The following STK33 variants were observed in gnomAD, a reference collection of about 807,000 sequenced individuals.
The protein encoded by STK33 is serine/threonine kinase 33.
STK33 carries 52 observed loss-of-function variants against 58.0 expected under a neutral mutation model. The observed-to-expected ratio is 0.90, with a 90% CI of 0.72 to 1.13. The LOEUF is 1.13. STK33 is among the 50% of genes most tolerant of loss of function. The pLI is 0.00. For synonymous variants in STK33, 215 were observed against 200.1 expected (o/e 1.07, Z -0.63); for missense variants, 630 against 604.2 (o/e 1.04, Z -0.45).
intron 1 of STK33, among the ~76,000 whole-genome samples, chr11:8,536,972 ATTTTTTTTTT>A (rs1232336873): frequency 1.5e-5 from 1 of 65,734 alleles, no homozygotes; most frequent in African/African-American, 6.8e-5. Context: ...AAAAAAAAAG[ATTTTTTTTTT>A]TTTTTTTTTT....
In STK33 at chr11:8,474,708, G is replaced by C. The variant is rs145784235; in HGVS notation, c.198C>G (p.Asn66Lys). The part of the protein sequence containing the change: ...SLERKKEKNI[N>K]RDITSRKDLP... ...AATCTTTCCTGGAGGTTATATCTCT[G>C]TTGATATTTTTTTCTTTTTTTCTCT... is the stretch of plus-strand genomic sequence containing the variant. Residue 66 changes from asparagine (N) to lysine (K), a missense_variant, in exon 5 of 16, where the codon AAC (asparagine) becomes AAG (lysine). Physicochemically the swap from Asn to Lys is moderately conservative, Grantham distance 94 (BLOSUM62 0). Coordinates refer to ENST00000687296, the MANE Select transcript of STK33 (RefSeq NM_001352389.2). 12 of 1,611,164 alleles carry C rather than the reference G, an allele frequency of 7.4e-6. No homozygotes were observed. Among genetic ancestry groups the C allele is most frequent in the African/African-American group, 1.3e-5 (1 of 74,684 alleles).
intron 1 of STK33, among the ~76,000 whole-genome samples, chr11:8,517,664 A>T (rs1354579409): frequency 6.6e-6 from 1 of 152,238 alleles, no homozygotes; most frequent in Non-Finnish European, 1.5e-5. Flanking sequence ...TGGAGCTGAA[A>T]ATCACAGCAT....
At chr11:8,361,507 T>C in the STK33 span, among the ~76,000 whole-genome samples, 1 of 131,140 alleles carries the variant, frequency 7.6e-6, no homozygotes, top group African/African-American at 2.9e-5. This position sits in a 1 kb window ranked among gnomAD's most constrained non-coding sequence, Gnocchi z 4.8. Flanking sequence ...ATTTGCCCTC[T>C]CCACCGCCCC....
At chr11:8,410,432 A>G (rs756219108) in intron 15 of STK33, among the ~76,000 whole-genome samples, 5 of 151,896 alleles carry the variant, frequency 3.3e-5, no homozygotes, top group East Asian at 1.9e-4. Context: ...AATTATCACA[A>G]AAGAAAATAA....
Position 8,487,840 on chromosome 11 carries a change from T to C in STK33, c.-465-7226A>G, listed in dbSNP as rs879767252. ...GGCAAAAAAAATCAGAATAAACTTTTTCATAACTCTAGATATTAACTAAAG... is the reference window on the plus strand; with the variant it reads ...GGCAAAAAAAATCAGAATAAACTTTCTCATAACTCTAGATATTAACTAAAG... On this transcript the variant is annotated intron_variant, in intron 1 of 15. Coordinates refer to ENST00000687296, the MANE Select transcript of STK33 (RefSeq NM_001352389.2). Among the ~76,000 whole-genome samples, 69 of 152,188 alleles carry C rather than the reference T, an allele frequency of 4.5e-4. 1 individual carries two copies. The highest frequency in any genetic ancestry group is 8.7e-4 in the Non-Finnish European group (59 of 68,022).
At chr11:8,491,184 TAAAAACCTTGA>T (rs1412713301) in intron 1 of STK33, among the ~76,000 whole-genome samples, 1 of 152,124 alleles carries the variant, frequency 6.6e-6, no homozygotes, top group Non-Finnish European at 1.5e-5. Flanking sequence ...GCAAGGAAGC[TAAAAACCTTGA>T]AAAAAGATTA....
At chr11:8,336,501 A>T in the STK33 span, among the ~76,000 whole-genome samples, 1 of 152,204 alleles carries the variant, frequency 6.6e-6, no homozygotes, top group Non-Finnish European at 1.5e-5. Flanking sequence ...TTTCTGACTC[A>T]CCCAGCTTCC....
intron 14 of STK33, among the ~76,000 whole-genome samples, chr11:8,429,639 T>C (rs1943176979): frequency 6.6e-6 from 1 of 152,124 alleles, no homozygotes; most frequent in Non-Finnish European, 1.5e-5. Flanking sequence ...ACGACAACCA[T>C]ATCACACACT....
At chr11:8,385,793 G>C in the STK33 span, among the ~76,000 whole-genome samples, 3 of 132,702 alleles carry the variant, frequency 2.3e-5, no homozygotes, top group South Asian at 7.3e-4. Flanking sequence ...TTTTTTTTTT[G>C]AGATGGAGTC....
the STK33 span, among the ~76,000 whole-genome samples, chr11:8,372,078 A>T: frequency 6.6e-6 from 1 of 152,004 alleles, no homozygotes; most frequent in Non-Finnish European, 1.5e-5. Context: ...TTTGTTGCCC[A>T]GGCTGATCCT....
chr11:8,551,901 C>T (rs1255411649), intron 1 of STK33, among the ~76,000 whole-genome samples: 2 of 152,162 alleles, frequency 1.3e-5, no homozygotes, highest in South Asian at 4.1e-4. Context: ...GTACCCCTTG[C>T]AGCACTATGG....
chr11:8,380,083 T>G, the STK33 span, among the ~76,000 whole-genome samples: 40 of 152,240 alleles, frequency 2.6e-4, no homozygotes, highest in Admixed American at 1.6e-3. Context: ...AATCCTGCAA[T>G]GAACATACAC....
the STK33 span, among the ~76,000 whole-genome samples, chr11:8,353,999 G>A: frequency 6.6e-6 from 1 of 152,100 alleles, no homozygotes; most frequent in East Asian, 1.9e-4. Flanking sequence ...GCCACCTCTG[G>A]CCCTATGTGA....
At chr11:8,489,583 G>A (rs1950451444) in intron 1 of STK33, among the ~76,000 whole-genome samples, 1 of 152,100 alleles carries the variant, frequency 6.6e-6, no homozygotes. Context: ...CATTTTATCA[G>A]GAGCCCCAAG....
chr11:8,588,391 G>A (rs955618240), intron 1 of STK33, among the ~76,000 whole-genome samples: 1 of 152,154 alleles, frequency 6.6e-6, no homozygotes, highest in African/African-American at 2.4e-5. Context: ...GCCAAATTTT[G>A]TCTCCCCAAA....
At chr11:8,480,731 A>G (rs1465994805) in intron 1 of STK33, 117 bp from the exon 2 acceptor site, 1 of 152,222 alleles carries the variant, frequency 6.6e-6, no homozygotes, top group Non-Finnish European at 1.5e-5. Flanking sequence ...GGGGGCCCAC[A>G]TGTAGCTAAG....
At chr11:8,479,152 C>T (rs1423114795) in intron 2 of STK33, among the ~76,000 whole-genome samples, 5 of 152,094 alleles carry the variant, frequency 3.3e-5, no homozygotes, top group South Asian at 4.1e-4. Flanking sequence ...CGGTGGCTCA[C>T]GCCTGTAATC....
At chr11:8,486,152 G>C (rs1950178432) in intron 1 of STK33, among the ~76,000 whole-genome samples, 1 of 152,002 alleles carries the variant, frequency 6.6e-6, no homozygotes, top group African/African-American at 2.4e-5. Flanking sequence ...CCATACTCTA[G>C]CCAGAATACT....
In STK33 at chr11:8,413,482, T is replaced by C; in HGVS notation, c.1344+13A>G. 2 of 1,613,354 alleles carry C rather than the reference T, an allele frequency of 1.2e-6. No homozygotes were observed. Among genetic ancestry groups the C allele is most frequent in the Non-Finnish European group, 1.7e-6 (2 of 1,179,400 alleles). On this transcript the variant is annotated intron_variant, in intron 15 of 15. Transcript: ENST00000687296. ...TTTACACTTGGGAGAAATGCAGCAA[T>C]GATTCTTCCTACCTGTTTTTCCTCC... is the stretch of plus-strand genomic sequence containing the variant.
Sources: allele counts gnomAD v4.1 joint callset (sites outside exome capture counted in the v4.1 genomes callset), GRCh38; gene constraint gnomAD v4.1.1; non-coding constraint Gnocchi (gnomAD v3.1); transcripts MANE v1.5; gene names NCBI Gene and HGNC (gene_info 2026-07-23, HGNC 2026-07-21).